Variants in FOXRED2 observed in about 807,000 individuals in gnomAD.
The protein encoded by FOXRED2 is FAD dependent oxidoreductase domain containing 2.
Under a neutral mutation model 52.5 loss-of-function variants are expected in FOXRED2, and 32 were observed. The ratio of observed to expected loss-of-function variants is 0.61; its 90% CI spans 0.46 to 0.82. The LOEUF (loss-of-function observed/expected upper bound fraction) is 0.82, where lower values mean the gene tolerates loss of function less well. Ranked by LOEUF, FOXRED2 falls within the 40% of genes least tolerant of loss-of-function variation. The pLI, the probability that FOXRED2 is intolerant of heterozygous loss-of-function variation, is 0.00. For missense variants in FOXRED2, 848 were observed against 937.5 expected, an observed-to-expected ratio of 0.90 and a Z score of 1.25; for synonymous variants, 405 against 398.1, an observed-to-expected ratio of 1.02 and a Z score of -0.21.
chr22:36,499,460 A>G (rs1252195242), intron 5 of FOXRED2, among the ~76,000 whole-genome samples: 2 of 151,930 alleles, frequency 1.3e-5, no homozygotes, highest in Non-Finnish European at 2.9e-5. Context: ...TACCACACAA[A>G]AATAAAAACA....
chr22:36,491,822 A>G (rs1933763926), intron 8 of FOXRED2, among the ~76,000 whole-genome samples: 1 of 152,204 alleles, frequency 6.6e-6, no homozygotes, highest in Non-Finnish European at 1.5e-5. Flanking sequence ...TAATACAGTG[A>G]GAAAAAGTCA....
chr22:36,497,649 T>C (rs1933936896), intron 6 of FOXRED2, among the ~76,000 whole-genome samples: 1 of 152,174 alleles, frequency 6.6e-6, no homozygotes, highest in African/African-American at 2.4e-5. Flanking sequence ...AGCTCTGAGA[T>C]CCACGTGGCT....
chr22:36,506,452 G>A, intron 1 of FOXRED2, 29 bp from the exon 2 acceptor site: 5 of 1,418,756 alleles, frequency 3.5e-6, no homozygotes, highest in Non-Finnish European at 4.6e-6. Flanking sequence ...GTAAGGCCTC[G>A]CACCCGGCCC....
chr22:36,491,950 C>T (rs1933767951), intron 8 of FOXRED2, among the ~76,000 whole-genome samples: 1 of 152,082 alleles, frequency 6.6e-6, no homozygotes, highest in Non-Finnish European at 1.5e-5. Flanking sequence ...GGCTGGAGTC[C>T]TTCTGTAACT....
In FOXRED2 at chr22:36,504,742, T is replaced by C; in HGVS notation, c.552A>G (p.Leu184=). ...QCSVLFVATG[L]SVPNQVDFPG... ...GGAAGTCAACCTGGTTGGGGACTGA[T>C]AAACCAGTGGCTACAAAGAGGACGC... The change falls in exon 3 of 9, where the codon TTA becomes TTG. Residue 184 remains leucine, a synonymous_variant. Transcript: ENST00000397224. The C allele has an allele frequency of 6.2e-7, 1 of 1,614,104 alleles. No homozygotes were observed. Among genetic ancestry groups the C allele is most frequent in the Non-Finnish European group, 8.5e-7 (1 of 1,180,014 alleles).
At position 36,490,560 on chromosome 22, in the gene FOXRED2, G is replaced by A. The variant is rs1163550170; in HGVS notation, c.1796-293C>T. 2.0e-5 allele frequency among the ~76,000 whole-genome samples: 3 copies of A among 152,334 alleles called. No individual in the cohort carries two copies. The East Asian group carries it at 5.8e-4, about 29-fold the overall frequency. Reference sequence around the variant, plus strand: ...CAATGCCTCAGCTCCCAGACATCAGGGCTGAGCACCGGGCTCTGCAGGCAA... The same window carrying A: ...CAATGCCTCAGCTCCCAGACATCAGAGCTGAGCACCGGGCTCTGCAGGCAA... On this transcript the variant is annotated intron_variant, in intron 8 of 8. Transcript: ENST00000397224.
chr22:36,493,822 G>A lies in FOXRED2; in HGVS notation c.1625-19C>T, dbSNP rs542057393. On this transcript the variant is annotated intron_variant, in intron 7 of 8. Transcript: ENST00000397224. ...TCCTGTTCTGTGGGGAGGAGAGAGG[G>A]GGCCATGTCAGAGCTGTGAGGCTGG... The A allele has an allele frequency of 1.2e-5, 20 of 1,612,420 alleles. 1 individual carries two copies. The South Asian group carries it at 2.2e-4, about 18-fold the overall frequency.
chr22:36,497,510 C>T (rs1933932400), intron 6 of FOXRED2, among the ~76,000 whole-genome samples: 1 of 152,160 alleles, frequency 6.6e-6, no homozygotes, highest in Non-Finnish European at 1.5e-5. Context: ...TGCCACCTGT[C>T]TCCCCCCGCC....
intron 6 of FOXRED2, among the ~76,000 whole-genome samples, chr22:36,497,062 C>T (rs1933918684): frequency 6.6e-6 from 1 of 152,140 alleles, no homozygotes; most frequent in Non-Finnish European, 1.5e-5. Context: ...GGCCTGTAAT[C>T]CCAGCTACTC....
chr22:36,501,914 C>T (rs1017485677), intron 4 of FOXRED2, among the ~76,000 whole-genome samples: 1 of 152,054 alleles, frequency 6.6e-6, no homozygotes, highest in African/African-American at 2.4e-5. Context: ...GCCTGTAATC[C>T]CAGCACTTTG....
At position 36,490,031 on chromosome 22, in the gene FOXRED2, C is replaced by T. The variant is rs145789812; in HGVS notation, c.2032G>A (p.Asp678Asn). ...LAPGPLAQSVDSNKEEL is the reference protein window; with the variant it reads ...LAPGPLAQSVNSNKEEL ...AGTCAGAGCTCCTCTTTGTTGCTATCGACGGACTGAGCCAGAGGCCCTGGA... is the reference window on the plus strand; with the variant it reads ...AGTCAGAGCTCCTCTTTGTTGCTATTGACGGACTGAGCCAGAGGCCCTGGA... The change falls in exon 9 of 9, where the codon GAT (aspartate) becomes AAT (asparagine). Residue 678 changes from aspartate to asparagine, a missense_variant. By Grantham distance (23) the Asp-to-Asn change is conservative. Transcript: ENST00000397224. 5.2e-4 allele frequency: 837 copies of T among 1,598,100 alleles called. 4 individuals carry two copies. The highest frequency in any genetic ancestry group is 4.5e-3 in the African/African-American group (333 of 74,536).
At chr22:36,502,756 G>C (rs933330038) in intron 4 of FOXRED2, among the ~76,000 whole-genome samples, 1 of 152,054 alleles carries the variant, frequency 6.6e-6, no homozygotes, top group Non-Finnish European at 1.5e-5. Context: ...ACAATGGCGC[G>C]ATCTCGGCTC....
At position 36,506,292 on chromosome 22, in the gene FOXRED2, T is replaced by A; in HGVS notation, c.131A>T (p.Gln44Leu). 6.3e-7 allele frequency: 1 copy of A among 1,589,396 alleles called. No homozygotes were observed. Among genetic ancestry groups the A allele is most frequent in the Non-Finnish European group, 8.6e-7 (1 of 1,168,734 alleles). The change falls in exon 2 of 9, where the codon CAG (glutamine) becomes CTG (leucine). Residue 44 changes from glutamine to leucine, a missense_variant. By Grantham distance (113) the Gln-to-Leu change is moderately radical. Transcript: ENST00000397224. ...AGCGCGCTGCAGGAAGTAGGCCATC[T>A]GCAGGCCCGCGGGCCCAGCGCCCAG... Reference protein sequence around the residue: ...CVLGAGPAGLQMAYFLQRAGR... With the variant: ...CVLGAGPAGLLMAYFLQRAGR...
chr22:36,499,300 G>C lies in FOXRED2; in HGVS notation c.1217-1144C>G, dbSNP rs367981707. Among the ~76,000 whole-genome samples the C allele has an allele frequency of 2.0e-5, 3 of 152,110 alleles. No homozygotes were observed. The South Asian group carries it at 6.2e-4, about 32-fold the overall frequency. On this transcript the variant is annotated intron_variant, in intron 5 of 8. Transcript: ENST00000397224. ...TGGCAGAATATAAAGATTACTCCCC[G>C]TAATTCCCTACATTTTCACATTTTT...
In FOXRED2 at chr22:36,488,184, G is replaced by A. The variant is rs1244211719; in HGVS notation, c.*1824C>T. On this transcript the variant is annotated 3_prime_UTR_variant, in exon 9 of 9. Coordinates refer to ENST00000397224, the MANE Select transcript of FOXRED2 (RefSeq NM_001102371.2). ...AAGAGCTTTGGATCCAGAAAGCCCG[G>A]GTTCTTGGAATTCTTTTTCTCTTTT... The A allele has an allele frequency of 1.3e-5, 2 of 151,770 alleles. No individual in the cohort carries two copies. Among genetic ancestry groups the A allele is most frequent in the African/African-American group, 2.4e-5 (1 of 41,356 alleles). The allele number at this position is 151,770 out of a possible 1,614,324, so 9.4% of individuals were successfully genotyped here. A position where few individuals can be genotyped will look rare whatever the true frequency, so the allele number is the denominator to read the frequency against.
chr22:36,506,363 G>A lies in FOXRED2; in HGVS notation c.60C>T (p.Ala20=), dbSNP rs536104053. The change falls in exon 2 of 9, where the codon GCC becomes GCT. Residue 20 remains alanine (A), a synonymous_variant. Coordinates refer to ENST00000397224, the MANE Select transcript of FOXRED2 (RefSeq NM_001102371.2). ...WGPPGLLLAI[A]LHPALSVPPR... is the part of the protein sequence containing the mutation. ...GGGGCACCGACAGCGCTGGGTGCAG[G>A]GCGATGGCCAGGAGCAGCCCCGGGG... The A allele has an allele frequency of 6.9e-7, 1 of 1,454,922 alleles. No homozygotes were observed. Among genetic ancestry groups the A allele is most frequent in the Non-Finnish European group, 9.0e-7 (1 of 1,108,602 alleles). The allele number at this position is 1,454,922 out of a possible 1,614,324, so 90.1% of individuals were successfully genotyped here. A position where few individuals can be genotyped will look rare whatever the true frequency, so the allele number is the denominator to read the frequency against.
intron 1 of FOXRED2, chr22:36,506,679 T>A (rs960427861): frequency 2.5e-5 from 11 of 440,754 alleles, no homozygotes; most frequent in Non-Finnish European, 2.0e-5. Context: ...CCGCTTATGA[T>A]TGTAGTAACC....
chr22:36,500,021 G>C (rs1934003564), intron 5 of FOXRED2, among the ~76,000 whole-genome samples: 1 of 152,058 alleles, frequency 6.6e-6, no homozygotes, highest in Non-Finnish European at 1.5e-5. Flanking sequence ...GGCTGGTCTC[G>C]AACTCCTGCC....
intron 5 of FOXRED2, among the ~76,000 whole-genome samples, chr22:36,500,792 C>A (rs1296112051): frequency 6.6e-6 from 1 of 152,002 alleles, no homozygotes; most frequent in East Asian, 1.9e-4. Context: ...CCGTGTTGCC[C>A]AGGCTGGTCT....
Sources: gnomAD v4.1 joint callset for allele counts (sites outside exome capture counted in the v4.1 genomes callset) on GRCh38, gnomAD v4.1.1 for gene constraint, MANE v1.5 for transcripts, NCBI Gene and HGNC (gene_info 2026-07-23, HGNC 2026-07-21) for gene names.